Variants in SLC27A5 observed in about 807,000 individuals in gnomAD.
The protein encoded by SLC27A5 is long-chain fatty acid transport protein 5.
In SLC27A5, 47 loss-of-function variants were observed where a neutral mutation model predicts 63.1. The ratio of observed to expected loss-of-function variants is 0.74; its 90% confidence interval spans 0.59 to 0.95. The LOEUF (loss-of-function observed/expected upper bound fraction) is 0.95, where lower values mean the gene tolerates loss of function less well. SLC27A5 is among the 40% of genes least tolerant of loss of function. The pLI is 0.00. For missense variants in SLC27A5, 940 were observed against 921.0 expected, an observed-to-expected ratio of 1.02 and a Z score of -0.27; for synonymous variants, 391 against 403.8, an observed-to-expected ratio of 0.97 and a Z score of 0.38.
rs749594336 is a variant in SLC27A5 at position 58,510,877 on chromosome 19, G to A, written c.742C>T (p.Arg248Cys). The change falls in exon 2 of 10, where the codon CGC becomes TGC. Residue 248 changes from arginine to cysteine, a missense_variant. Arg to Cys is a radical substitution (Grantham distance 180). Transcript: ENST00000263093. ...GAGGTATGGCTGAGGTAGAAGCAGC[G>A]GATGTTCTCAGCCTGCAGCTTGGGA... ...ILPKLQAENIRCFYLSHTSPT... is the reference protein window; with the variant it reads ...ILPKLQAENICCFYLSHTSPT... 54 of 1,612,644 alleles carry A rather than the reference G, an allele frequency of 3.3e-5. No individual in the cohort carries two copies. In the East Asian group the frequency reaches 5.6e-4, roughly 17 times the overall value.
At chr19:58,500,929 G>A (rs1193098572) in intron 4 of SLC27A5, 4 of 1,389,046 alleles carry the variant, frequency 2.9e-6, no homozygotes, top group Non-Finnish European at 2.8e-6. Context: ...GCTTTGCCTG[G>A]GGGACGTTAC....
rs1228798088 is a variant in SLC27A5 at position 58,500,366 on chromosome 19, G to A, written c.1441C>T (p.Gln481Ter). The A allele has an allele frequency of 6.2e-7, 1 of 1,613,580 alleles. No homozygotes were observed. Among genetic ancestry groups the A allele is most frequent in the Admixed American group, 1.7e-5 (1 of 59,986 alleles). The change falls in exon 6 of 10, where the codon CAG becomes TAG. Residue 481 changes from glutamine to a stop codon, truncating the protein, a stop_gained. Transcript: ENST00000263093. LOFTEE classifies it high-confidence loss of function. ...AGCCCTACAGGGATGCAGAAGCCCT[G>A]ATTGTCCCTCACAGGCTCCGCCGCC... ...MEAAEPVRDNQGFCIPVGLGE... is the reference protein window; with the variant it reads ...MEAAEPVRDN
intron 8 of SLC27A5, 100 bp downstream of exon 8, chr19:58,499,023 A>C (rs1436310943): frequency 1.0e-5 from 16 of 1,594,120 alleles, no homozygotes; most frequent in Non-Finnish European, 1.4e-5. Context: ...GCAAGTCTCT[A>C]AACCTCTCTG....
chr19:58,508,252 G>A (rs552573262), intron 3 of SLC27A5: 4 of 152,174 alleles, frequency 2.6e-5, no homozygotes, highest in African/African-American at 7.2e-5. Context: ...CAGCACTTAC[G>A]GAAAATAGAA....
Position 58,501,382 on chromosome 19 carries a change from G to A in SLC27A5, c.1086C>T (p.Phe362=), listed in dbSNP as rs139797863. 78 of 1,613,720 alleles carry A rather than the reference G, an allele frequency of 4.8e-5. No homozygotes were observed. Among genetic ancestry groups the A allele is most frequent in the Non-Finnish European group, 6.4e-5 (75 of 1,179,830 alleles). Reference sequence around the variant, plus strand: ...AGTCATCCCAGAAGCAGGAAGTAGAGAACTTGGGGGCCAGAACACAGGTGG... The same window carrying A: ...AGTCATCCCAGAAGCAGGAAGTAGAAAACTTGGGGGCCAGAACACAGGTGG... ...LGATCVLAPK[F]STSCFWDDCR... The change falls in exon 4 of 10, where the codon TTC becomes TTT. Residue 362 remains phenylalanine (F), a synonymous_variant. Coordinates refer to ENST00000263093, the MANE Select transcript of SLC27A5 (RefSeq NM_012254.3).
chr19:58,502,066 G>T (rs1394089809), intron 3 of SLC27A5, among the ~76,000 whole-genome samples: 2 of 152,248 alleles, frequency 1.3e-5, no homozygotes, highest in African/African-American at 4.8e-5. Context: ...TAAGCAGATG[G>T]GTGGGCAGGT....
At position 58,511,502 on chromosome 19, in the gene SLC27A5, C is replaced by T; in HGVS notation, c.454G>A (p.Ala152Thr). The T allele has an allele frequency of 6.4e-7, 1 of 1,572,284 alleles. No homozygotes were observed. Among genetic ancestry groups the T allele is most frequent in the Non-Finnish European group, 8.6e-7 (1 of 1,158,812 alleles). Reference protein sequence around the residue: ...SVTFGELDARACQAAWALKAE... With the variant: ...SVTFGELDARTCQAAWALKAE... ...TTCAGGGCCCATGCCGCCTGGCAGG[C>T]CCGGGCATCCAGCTCACCAAAGGTG... The change falls in exon 1 of 10, where the codon GCC becomes ACC. Residue 152 changes from alanine (A) to threonine (T), a missense_variant. Coordinates refer to ENST00000263093, the MANE Select transcript of SLC27A5 (RefSeq NM_012254.3).
At chr19:58,501,072 C>A in intron 4 of SLC27A5, 1 of 1,205,932 alleles carries the variant, frequency 8.3e-7, no homozygotes, top group Non-Finnish European at 1.1e-6. Context: ...GGCTATTATC[C>A]CTGTTTTCCA....
chr19:58,511,335 A>G lies in SLC27A5; in HGVS notation c.621T>C (p.His207=). The change falls in exon 1 of 10, where the codon CAT becomes CAC. Residue 207 remains histidine (H), a synonymous_variant. Transcript: ENST00000263093. ...LGCPTAWINP[H]GRGMPLAHSV... is the part of the protein sequence containing the mutation. ...AGTGCGCCAGGGGCATCCCCCGGCC[A>G]TGCGGGTTGATCCAGGCTGTTGGGC... The G allele has an allele frequency of 6.3e-7, 1 of 1,599,198 alleles. No individual in the cohort carries two copies. The highest frequency in any genetic ancestry group is 8.5e-7 in the Non-Finnish European group (1 of 1,169,596).
In SLC27A5 at chr19:58,501,621, C is replaced by A. The variant is rs116261758; in HGVS notation, c.1058-211G>T. ...TCCTGTCTCCAGGATGCCGGGAAAG[C>A]TCCGTGCCTGTTATAAAGTGAGCAA... On this transcript the variant is annotated intron_variant, in intron 3 of 9. Coordinates refer to ENST00000263093, the MANE Select transcript of SLC27A5 (RefSeq NM_012254.3). 2.6e-3 allele frequency among the ~76,000 whole-genome samples: 393 copies of A among 152,286 alleles called. 1 individual carries two copies. The highest frequency in any genetic ancestry group is 9.1e-3 in the African/African-American group (380 of 41,558).
At position 58,500,513 on chromosome 19, in the gene SLC27A5, C is replaced by T. The variant is rs762312130; in HGVS notation, c.1376G>A (p.Arg459Gln). 16 of 1,613,792 alleles carry T rather than the reference C, an allele frequency of 9.9e-6. 1 individual carries two copies. Among genetic ancestry groups the T allele is most frequent in the Admixed American group, 3.3e-5 (2 of 59,980 alleles). ...GALGKMSCLL[R>Q]MLSPFELVQF... ...CACACCAGGTACCCGCACACTCACT[C>T]GGAGGAGGCAGCTCATCTTGCCCAG... is the stretch of plus-strand genomic sequence containing the variant. The change falls in exon 5 of 10, where the codon CGA becomes CAA. Residue 459 changes from arginine (R) to glutamine (Q), a missense_variant and splice_region_variant. Physicochemically the swap from Arg to Gln is conservative, Grantham distance 43. Transcript: ENST00000263093.
intron 3 of SLC27A5, among the ~76,000 whole-genome samples, chr19:58,502,704 C>G (rs1436436111): frequency 7.0e-6 from 1 of 143,584 alleles, no homozygotes; most frequent in Admixed American, 7.0e-5. Flanking sequence ...GATGGGTGGA[C>G]AGTTAGAGTA....
At chr19:58,505,013 A>G (rs566218551) in intron 3 of SLC27A5, among the ~76,000 whole-genome samples, 2 of 152,186 alleles carry the variant, frequency 1.3e-5, no homozygotes, top group Non-Finnish European at 2.9e-5. Context: ...CTCAAAGAAA[A>G]AAAAAAAAAG....
intron 1 of SLC27A5, 75 bp downstream of exon 1, chr19:58,511,193 A>C: frequency 7.0e-7 from 1 of 1,430,354 alleles, no homozygotes; most frequent in Non-Finnish European, 9.3e-7. Flanking sequence ...GGCCTCTGCC[A>C]GTCCCAGCAG....
At chr19:58,500,221 G>A (rs2053257941) in intron 6 of SLC27A5, 118 bp downstream of exon 6, 1 of 803,470 alleles carries the variant, frequency 1.2e-6, no homozygotes, top group Admixed American at 2.2e-5. Flanking sequence ...TCCAGATGAA[G>A]GCTGCAGACC....
chr19:58,500,242 G>A, intron 6 of SLC27A5, 97 bp downstream of exon 6: 1 of 1,013,488 alleles, frequency 9.9e-7, no homozygotes, highest in Non-Finnish European at 1.5e-6. Flanking sequence ...CCTCTAGTGA[G>A]CACCAACGTC....
chr19:58,508,180 C>T (rs532721776), intron 3 of SLC27A5: 2 of 152,260 alleles, frequency 1.3e-5, no homozygotes, highest in Non-Finnish European at 2.9e-5. Context: ...GTGATGTCAC[C>T]CCCGGAGGCC....
chr19:58,511,845 C>A lies in SLC27A5; in HGVS notation c.111G>T (p.Leu37=). The A allele has an allele frequency of 6.4e-7, 1 of 1,558,880 alleles. No individual in the cohort carries two copies. The highest frequency in any genetic ancestry group is 8.7e-7 in the Non-Finnish European group (1 of 1,151,760). The part of the protein sequence containing the change: ...VAVALTLRWL[L]GDPTCCVLLG... ...GTAGCACGCAACATGTGGGATCCCC[C>A]AGGAGCCAGCGCAGGGTCAAGGCCA... The change falls in exon 1 of 10, where the codon CTG becomes CTT. Residue 37 remains leucine (L), a synonymous_variant. Transcript: ENST00000263093.
In SLC27A5 at chr19:58,511,977, G is replaced by T; in HGVS notation, c.-22C>A. On this transcript the variant is annotated 5_prime_UTR_variant, in exon 1 of 10. Transcript: ENST00000263093. ...CCATGGTACCAGCTCCTCCCTAGGA[G>T]CAGCAGCTGTGGAGTGTTCAGGCTC... The T allele has an allele frequency of 1.3e-6, 2 of 1,519,162 alleles. No homozygotes were observed. Among genetic ancestry groups the T allele is most frequent in the South Asian group, 1.2e-5 (1 of 82,014 alleles). 94.1% of individuals were successfully genotyped at this position (1,519,162 alleles called of 1,614,324 possible).
Sources: gnomAD v4.1 joint callset for allele counts (sites outside exome capture counted in the v4.1 genomes callset) on GRCh38, gnomAD v4.1.1 for gene constraint, MANE v1.5 for transcripts, NCBI Gene and HGNC (gene_info 2026-07-23, HGNC 2026-07-21) for gene names.